ASB13: variants seen among roughly 807,000 people sequenced by gnomAD.
ASB13 encodes ankyrin repeat and SOCS box protein 13.
In ASB13, 33 loss-of-function variants were observed where a neutral mutation model predicts 28.8. The observed-to-expected ratio is 1.15, with a 90% CI of 0.87 to 1.53. The LOEUF is 1.53. Ranked by LOEUF, ASB13 falls within the 40% of genes most tolerant of loss-of-function variation. The pLI, the probability that ASB13 is intolerant of heterozygous loss-of-function variation, is 0.00. For missense variants in ASB13, 414 were observed against 390.1 expected (o/e 1.06, Z -0.52); for synonymous variants, 182 against 172.9 (o/e 1.05, Z -0.41).
Position 5,660,871 on chromosome 10 carries a change from C to T in ASB13, c.43+5638G>A, listed in dbSNP as rs1835148226. ...CCCTCTGAGACCAGAGCCCCTCCATCGCTCCCTGCCTTGCAAGCCACCCAG... is the reference window on the plus strand; with the variant it reads ...CCCTCTGAGACCAGAGCCCCTCCATTGCTCCCTGCCTTGCAAGCCACCCAG... On this transcript the variant is annotated intron_variant, in intron 1 of 5. Transcript: ENST00000357700. The surrounding 1 kb of genome is among the most constrained non-coding windows in gnomAD (Gnocchi z 6.1). 6.6e-6 allele frequency among the ~76,000 whole-genome samples: 1 copy of T among 152,166 alleles called. No individual in the cohort carries two copies. Among genetic ancestry groups the T allele is most frequent in the Non-Finnish European group, 1.5e-5 (1 of 68,024 alleles).
chr10:5,651,613 G>A lies in ASB13; in HGVS notation c.232-250C>T, dbSNP rs1834986503. ...GCAGGATAAGCTCAGCAGCCCCCTC[G>A]CCACCCCCGCCCCAAACACCTAGTA... On this transcript the variant is annotated intron_variant, in intron 2 of 5. Coordinates refer to ENST00000357700, the MANE Select transcript of ASB13 (RefSeq NM_024701.4). This position sits in a 1 kb window ranked among gnomAD's most constrained non-coding sequence, Gnocchi z 5.1. 2 of 445,198 alleles carry A rather than the reference G, an allele frequency of 4.5e-6. No individual in the cohort carries two copies. The highest frequency in any genetic ancestry group is 4.4e-5 in the East Asian group (1 of 22,494). The allele number at this position is 445,198 out of a possible 1,614,324, so 27.6% of individuals were successfully genotyped here.
intron 1 of ASB13, 94 bp downstream of exon 1, chr10:5,666,415 C>T: frequency 8.9e-7 from 1 of 1,121,726 alleles, no homozygotes; most frequent in South Asian, 3.2e-5. Flanking sequence ...GCGGGGCGCG[C>T]CACCACCTCC....
rs902436882 is a variant in ASB13, at chr10:5,655,466, A to G, written c.44-2416T>C. ...CTGGCACCGAATCAGTGCTCAATAA[A>G]CACTGTCTGTTTGTAGTATTTTTGC... On this transcript the variant is annotated intron_variant, in intron 1 of 5. Transcript: ENST00000357700. This position sits in a 1 kb window ranked among gnomAD's most constrained non-coding sequence, Gnocchi z 6.2. 1.3e-5 allele frequency among the ~76,000 whole-genome samples: 2 copies of G among 152,218 alleles called. No homozygotes were observed. Among genetic ancestry groups the G allele is most frequent in the Non-Finnish European group, 2.9e-5 (2 of 68,046 alleles).
chr10:5,649,479 C>T lies in ASB13; in HGVS notation c.383-375G>A, dbSNP rs1259057018. 6.6e-6 allele frequency among the ~76,000 whole-genome samples: 1 copy of T among 151,990 alleles called. No homozygotes were observed. Among genetic ancestry groups the T allele is most frequent in the Admixed American group, 6.6e-5 (1 of 15,264 alleles). Reference sequence around the variant, plus strand: ...CCAGCCTCCCAGGAAACCCCCCAGACTTTCTTATGCAGGTCATCCTCCTGT... The same window carrying T: ...CCAGCCTCCCAGGAAACCCCCCAGATTTTCTTATGCAGGTCATCCTCCTGT... On this transcript the variant is annotated intron_variant, in intron 3 of 5. Coordinates refer to ENST00000357700, the MANE Select transcript of ASB13 (RefSeq NM_024701.4). The surrounding 1 kb of genome is among the most constrained non-coding windows in gnomAD (Gnocchi z 6.4).
At position 5,642,538 on chromosome 10, in the gene ASB13, G is replaced by GCAGA; in HGVS notation, c.518-581_518-578dup. 8.0e-7 allele frequency: 1 copy of GCAGA among 1,251,286 alleles called. No homozygotes were observed. Among genetic ancestry groups the GCAGA allele is most frequent in the Non-Finnish European group, 1.0e-6 (1 of 977,644 alleles). 77.5% of individuals were successfully genotyped at this position (1,251,286 alleles called of 1,614,324 possible). A position where few individuals can be genotyped will look rare whatever the true frequency, so the allele number is the denominator to read the frequency against. Reference sequence around the variant, plus strand: ...ACTCCTCAACTTTCTCACGATAAGAGCAGACATTCATCAAGCTGATTAAAA... The same window carrying GCAGA: ...ACTCCTCAACTTTCTCACGATAAGAGCAGACAGACATTCATCAAGCTGATTAAAA... On this transcript the variant is annotated intron_variant, in intron 4 of 5. Coordinates refer to ENST00000357700, the MANE Select transcript of ASB13 (RefSeq NM_024701.4). The surrounding 1 kb of genome is among the most constrained non-coding windows in gnomAD (Gnocchi z 4.1).
At position 5,642,477 on chromosome 10, in the gene ASB13, A is replaced by T; in HGVS notation, c.518-516T>A. The T allele has an allele frequency of 1.7e-6, 2 of 1,196,874 alleles. No homozygotes were observed. Among genetic ancestry groups the T allele is most frequent in the Non-Finnish European group, 2.1e-6 (2 of 950,396 alleles). The allele number at this position is 1,196,874 out of a possible 1,614,324, so 74.1% of individuals were successfully genotyped here. A position where few individuals can be genotyped will look rare whatever the true frequency, so the allele number is the denominator to read the frequency against. Reference sequence around the variant, plus strand: ...AAAGGAAAACAGATAACGTACCCAAAACAGTAGGCAATTCAGAGAAGAGAG... The same window carrying T: ...AAAGGAAAACAGATAACGTACCCAATACAGTAGGCAATTCAGAGAAGAGAG... On this transcript the variant is annotated intron_variant, in intron 4 of 5. Coordinates refer to ENST00000357700, the MANE Select transcript of ASB13 (RefSeq NM_024701.4). The surrounding 1 kb of genome is among the most constrained non-coding windows in gnomAD (Gnocchi z 4.1).
chr10:5,649,672 T>C lies in ASB13; in HGVS notation c.383-568A>G, dbSNP rs1169907360. On this transcript the variant is annotated intron_variant, in intron 3 of 5. Coordinates refer to ENST00000357700, the MANE Select transcript of ASB13 (RefSeq NM_024701.4). The surrounding 1 kb of genome is among the most constrained non-coding windows in gnomAD (Gnocchi z 6.4). ...TCCCAAATAGCTGGAATTACAGGCA[T>C]GCACCACCGTGCCCGACTAATTTTT... 6.6e-6 allele frequency among the ~76,000 whole-genome samples: 1 copy of C among 152,034 alleles called. No individual in the cohort carries two copies. The highest frequency in any genetic ancestry group is 6.5e-5 in the Admixed American group (1 of 15,278).
intron 1 of ASB13, among the ~76,000 whole-genome samples, chr10:5,654,944 T>A (rs531702120): frequency 6.6e-6 from 1 of 152,016 alleles, no homozygotes. Flanking sequence ...CTAAAAATAT[T>A]TTTTTAAATT....
Position 5,641,687 on chromosome 10 carries a change from G to C in ASB13, c.709+83C>G. The C allele has an allele frequency of 4.9e-6, 7 of 1,425,064 alleles. No individual in the cohort carries two copies. In the South Asian group the frequency reaches 5.4e-5, roughly 11 times the overall value. The allele number at this position is 1,425,064 out of a possible 1,614,324, so 88.3% of individuals were successfully genotyped here. A position where few individuals can be genotyped will look rare whatever the true frequency, so the allele number is the denominator to read the frequency against. On this transcript the variant is annotated intron_variant, in intron 5 of 5. Transcript: ENST00000357700. The surrounding 1 kb of genome is among the most constrained non-coding windows in gnomAD (Gnocchi z 8.4). ...GCCAGGACTAACAGCCCAGCTCTCC[G>C]CGGAAGCCCACAGGGAGCCGGCACG...
Position 5,652,737 on chromosome 10 carries a change from G to A in ASB13, c.231+126C>T, listed in dbSNP as rs550953249. 3 of 983,210 alleles carry A rather than the reference G, an allele frequency of 3.1e-6. No homozygotes were observed. The highest frequency in any genetic ancestry group is 5.8e-5 in the East Asian group (2 of 34,356). The allele number at this position is 983,210 out of a possible 1,614,324, so 60.9% of individuals were successfully genotyped here. A position where few individuals can be genotyped will look rare whatever the true frequency, so the allele number is the denominator to read the frequency against. On this transcript the variant is annotated intron_variant, in intron 2 of 5. Transcript: ENST00000357700. The surrounding 1 kb of genome is among the most constrained non-coding windows in gnomAD (Gnocchi z 5.0). ...AGCACTTCTCAGCCATGGGCTTCCT[G>A]GTACCTGTGTGCAGTGGACACAGTG...
In ASB13 at chr10:5,658,322, T is replaced by C. The variant is rs1157678643; in HGVS notation, c.44-5272A>G. On this transcript the variant is annotated intron_variant, in intron 1 of 5. Coordinates refer to ENST00000357700, the MANE Select transcript of ASB13 (RefSeq NM_024701.4). The surrounding 1 kb of genome is among the most constrained non-coding windows in gnomAD (Gnocchi z 4.2). ...GGCCCATGCCTATAATCCCAGCTACTATGGAGGCTAAGGCAGGAGAATCAC... is the reference window on the plus strand; with the variant it reads ...GGCCCATGCCTATAATCCCAGCTACCATGGAGGCTAAGGCAGGAGAATCAC... 6.6e-6 allele frequency among the ~76,000 whole-genome samples: 1 copy of C among 151,614 alleles called. No homozygotes were observed. The highest frequency in any genetic ancestry group is 1.9e-4 in the East Asian group (1 of 5,140).
At position 5,658,928 on chromosome 10, in the gene ASB13, G is replaced by A. The variant is rs902604529; in HGVS notation, c.44-5878C>T. On this transcript the variant is annotated intron_variant, in intron 1 of 5. Coordinates refer to ENST00000357700, the MANE Select transcript of ASB13 (RefSeq NM_024701.4). The surrounding 1 kb of genome is among the most constrained non-coding windows in gnomAD (Gnocchi z 4.2). Reference sequence around the variant, plus strand: ...ACCACCGATGGCCCTTCCAGGGGGCGAAGAGACCCACTCTCTTCATAAACA... The same window carrying A: ...ACCACCGATGGCCCTTCCAGGGGGCAAAGAGACCCACTCTCTTCATAAACA... 9.9e-5 allele frequency among the ~76,000 whole-genome samples: 15 copies of A among 152,082 alleles called. No individual in the cohort carries two copies. Among genetic ancestry groups the A allele is most frequent in the South Asian group, 2.1e-4 (1 of 4,834 alleles).
chr10:5,657,812 T>C (rs1835096453), intron 1 of ASB13, among the ~76,000 whole-genome samples: 2 of 152,210 alleles, frequency 1.3e-5, no homozygotes, highest in Non-Finnish European at 1.5e-5. Flanking sequence ...TGTCCCATGC[T>C]ACAACATGGA....
intron 1 of ASB13, among the ~76,000 whole-genome samples, chr10:5,662,381 T>C (rs1389239797): frequency 6.6e-6 from 1 of 151,574 alleles, no homozygotes; most frequent in Non-Finnish European, 1.5e-5. Context: ...TAGCTGGGTG[T>C]GGTGGCATGC....
Position 5,649,672 on chromosome 10 carries a change from T to G in ASB13, c.383-568A>C, listed in dbSNP as rs1169907360. Among the ~76,000 whole-genome samples the G allele has an allele frequency of 6.6e-6, 1 of 151,916 alleles. No homozygotes were observed. Among genetic ancestry groups the G allele is most frequent in the East Asian group, 1.9e-4 (1 of 5,168 alleles). On this transcript the variant is annotated intron_variant, in intron 3 of 5. Coordinates refer to ENST00000357700, the MANE Select transcript of ASB13 (RefSeq NM_024701.4). The surrounding 1 kb of genome is among the most constrained non-coding windows in gnomAD (Gnocchi z 6.4). ...TCCCAAATAGCTGGAATTACAGGCA[T>G]GCACCACCGTGCCCGACTAATTTTT... is the stretch of plus-strand genomic sequence containing the variant.
Position 5,664,705 on chromosome 10 carries a change from G to T in ASB13, c.43+1804C>A, listed in dbSNP as rs1012585644. On this transcript the variant is annotated intron_variant, in intron 1 of 5. Transcript: ENST00000357700. The surrounding 1 kb of genome is among the most constrained non-coding windows in gnomAD (Gnocchi z 4.2). ...ATTTATTTTATTTATTTTTGAGACGGAGTCTCACTCTGTCGCCCAGGCTGG... is the reference window on the plus strand; with the variant it reads ...ATTTATTTTATTTATTTTTGAGACGTAGTCTCACTCTGTCGCCCAGGCTGG... Among the ~76,000 whole-genome samples, 5 of 152,038 alleles carry T rather than the reference G, an allele frequency of 3.3e-5. No individual in the cohort carries two copies. The highest frequency in any genetic ancestry group is 7.4e-5 in the Non-Finnish European group (5 of 68,020).
Position 5,658,390 on chromosome 10 carries a change from C to G in ASB13, c.44-5340G>C, listed in dbSNP as rs759093173. 2.0e-5 allele frequency among the ~76,000 whole-genome samples: 3 copies of G among 150,790 alleles called. No individual in the cohort carries two copies. Among genetic ancestry groups the G allele is most frequent in the Non-Finnish European group, 2.9e-5 (2 of 67,852 alleles). ...AGGTTGCAGTGAGCCAAAATCGTGC[C>G]ATTGCACTACGGCCTGGGTGACTTT... is the stretch of plus-strand genomic sequence containing the variant. On this transcript the variant is annotated intron_variant, in intron 1 of 5. Transcript: ENST00000357700. The surrounding 1 kb of genome is among the most constrained non-coding windows in gnomAD (Gnocchi z 4.2).
chr10:5,639,317 C>T lies in ASB13; in HGVS notation c.*1386G>A, dbSNP rs1318021897. Reference sequence around the variant, plus strand: ...GAGGCTCGGGCCGGCCTGGGTGCATCCAGTGAGTACCACGTTCCCTTTTCC... The same window carrying T: ...GAGGCTCGGGCCGGCCTGGGTGCATTCAGTGAGTACCACGTTCCCTTTTCC... On this transcript the variant is annotated 3_prime_UTR_variant, in exon 6 of 6. Transcript: ENST00000357700. 1 of 152,866 alleles carries T rather than the reference C, an allele frequency of 6.5e-6. No homozygotes were observed. Among genetic ancestry groups the T allele is most frequent in the African/African-American group, 2.4e-5 (1 of 41,442 alleles). 9.5% of individuals were successfully genotyped at this position (152,866 alleles called of 1,614,324 possible).
intron 1 of ASB13, among the ~76,000 whole-genome samples, chr10:5,662,095 C>T (rs886914844): frequency 9.9e-5 from 15 of 152,136 alleles, no homozygotes; most frequent in Non-Finnish European, 2.1e-4. Flanking sequence ...TCTGATGCTG[C>T]TCTCAATGGG....
Sources: allele counts gnomAD v4.1 joint callset (sites outside exome capture counted in the v4.1 genomes callset), GRCh38; gene constraint gnomAD v4.1.1; non-coding constraint Gnocchi (gnomAD v3.1); transcripts MANE v1.5; gene names NCBI Gene and HGNC (gene_info 2026-07-23, HGNC 2026-07-21).